The following MALRD1 variants were observed in gnomAD, a reference collection of about 807,000 sequenced individuals.
MALRD1 encodes the protein MAM and LDL receptor class A domain containing 1.
MALRD1 carries 247 observed loss-of-function variants against 242.1 expected under a neutral mutation model. That is an observed-to-expected ratio of 1.02 (90% CI 0.92 to 1.13). The LOEUF (loss-of-function observed/expected upper bound fraction) is 1.13. Ranked by LOEUF, MALRD1 falls within the 50% of genes most tolerant of loss-of-function variation. The probability of loss-of-function intolerance (pLI) is 0.00; values close to 1 mark genes in which losing one functional copy is unlikely to be tolerated. For missense variants in MALRD1, 2,989 were observed against 2,533.1 expected, an observed-to-expected ratio of 1.18 and a Z score of -3.86; for synonymous variants, 995 against 866.6, an observed-to-expected ratio of 1.15 and a Z score of -2.60.
chr10:19,498,502 A>G lies in MALRD1; in HGVS notation c.5176A>G (p.Thr1726Ala). 6.5e-7 allele frequency: 1 copy of G among 1,550,278 alleles called. No homozygotes were observed. The highest frequency in any genetic ancestry group is 1.2e-5 in the South Asian group (1 of 84,032). The change falls in exon 31 of 40, where the codon ACA becomes GCA. Residue 1726 changes from threonine (T) to alanine (A), a missense_variant. Physicochemically the swap from Thr to Ala is moderately conservative, Grantham distance 58 (BLOSUM62 0). Coordinates refer to ENST00000454679, the MANE Select transcript of MALRD1 (RefSeq NM_001142308.3). Reference sequence around the variant, plus strand: ...TTCCCCAGCACATTATACAAGCACAACAGGAAGCTGCAATTTTGAAACAAG... The same window carrying G: ...TTCCCCAGCACATTATACAAGCACAGCAGGAAGCTGCAATTTTGAAACAAG... ...EAHCAHYTST[T>A]GSCNFETSSG...
chr10:19,730,857 A>G, intron 39 of MALRD1, 76 bp downstream of exon 39: 1 of 1,277,834 alleles, frequency 7.8e-7, no homozygotes, highest in Non-Finnish European at 1.1e-6. Flanking sequence ...CACAGGCTGA[A>G]CCAGTGTTGC....
chr10:19,337,635 T>C (rs1297884532), intron 24 of MALRD1, among the ~76,000 whole-genome samples: 1 of 152,214 alleles, frequency 6.6e-6, no homozygotes, highest in Non-Finnish European at 1.5e-5. Flanking sequence ...TCTTTAGAAT[T>C]CTAAATCTTA....
chr10:19,677,970 ATTGG>A (rs1564534917), intron 36 of MALRD1, among the ~76,000 whole-genome samples: 1 of 151,966 alleles, frequency 6.6e-6, no homozygotes, highest in African/African-American at 2.4e-5. Flanking sequence ...TCAAAGATCA[ATTGG>A]TTGTAGATCT....
chr10:19,489,138 A>G (rs1377705311), intron 29 of MALRD1: 18 of 467,302 alleles, frequency 3.9e-5, no homozygotes, highest in Non-Finnish European at 7.9e-5. Flanking sequence ...GGGCCGCCAC[A>G]GGAAAAGCCT....
At chr10:19,323,813 G>A (rs1843000962) in intron 21 of MALRD1, 136 bp from the exon 22 acceptor site, 4 of 688,718 alleles carry the variant, frequency 5.8e-6, no homozygotes, top group Non-Finnish European at 9.6e-6. Context: ...GTTTCATCAT[G>A]GTAGCCAGGC....
At chr10:19,452,383 A>G (rs1564354538) in intron 29 of MALRD1, among the ~76,000 whole-genome samples, 1 of 152,208 alleles carries the variant, frequency 6.6e-6, no homozygotes, top group Non-Finnish European at 1.5e-5. Context: ...TGGCTTACTA[A>G]GTTATACTTT....
chr10:19,511,009 C>G (rs1421912021), intron 31 of MALRD1, among the ~76,000 whole-genome samples: 1 of 152,112 alleles, frequency 6.6e-6, no homozygotes, highest in African/African-American at 2.4e-5. Flanking sequence ...ACAACCTTAT[C>G]AAGAGAATTT....
chr10:19,347,490 G>A (rs938775921), intron 24 of MALRD1, among the ~76,000 whole-genome samples: 6 of 152,076 alleles, frequency 3.9e-5, no homozygotes, highest in African/African-American at 1.4e-4. Flanking sequence ...AAATTATATT[G>A]ACCAAATAGG....
intron 19 of MALRD1, among the ~76,000 whole-genome samples, chr10:19,273,558 AAATG>A (rs1840358438): frequency 6.6e-6 from 1 of 152,220 alleles, no homozygotes; most frequent in African/African-American, 2.4e-5. Flanking sequence ...AATGCTAAAT[AAATG>A]AGCTGTCAAG....
Position 19,676,777 on chromosome 10 carries a change from C to A in MALRD1, c.6138-15505C>A, listed in dbSNP as rs7904124. Among the ~76,000 whole-genome samples the A allele has an allele frequency of 6.6e-5, 10 of 152,218 alleles. No individual in the cohort carries two copies. In the South Asian group the frequency reaches 2.1e-3, roughly 32 times the overall value. On this transcript the variant is annotated intron_variant, in intron 36 of 39. Transcript: ENST00000454679. ...GCTGCACCTATCAACCCATCACCTG[C>A]GTATTAAGCCTGGCATGCGTTAGCT...
chr10:19,387,556 T>G lies in MALRD1; in HGVS notation c.4470T>G (p.Cys1490Trp). 1 of 1,550,424 alleles carries G rather than the reference T, an allele frequency of 6.4e-7. No individual in the cohort carries two copies. The highest frequency in any genetic ancestry group is 8.7e-7 in the Non-Finnish European group (1 of 1,146,864). The stretch of plus-strand genomic sequence containing the variant: ...TCTGCCCACTTGGCTATAGGGAATG[T>G]CATAATGGAAAATGCTATAGGCTGG... The part of the protein sequence containing the change: ...TGFCPLGYRE[C>W]HNGKCYRLEQ... The change falls in exon 27 of 40, where the codon TGT becomes TGG. Residue 1490 changes from cysteine (C) to tryptophan (W), a missense_variant. Coordinates refer to ENST00000454679, the MANE Select transcript of MALRD1 (RefSeq NM_001142308.3).
chr10:19,513,904 A>G (rs1833517965), intron 31 of MALRD1, among the ~76,000 whole-genome samples: 1 of 152,190 alleles, frequency 6.6e-6, no homozygotes. Flanking sequence ...TCTACTAGAT[A>G]TTGGGTTAGC....
chr10:19,406,741 C>T (rs995130370), intron 28 of MALRD1, among the ~76,000 whole-genome samples: 2 of 152,054 alleles, frequency 1.3e-5, no homozygotes, highest in African/African-American at 4.8e-5. Flanking sequence ...AACATTCTGC[C>T]GTTCTCACAC....
In MALRD1 at chr10:19,143,820, A is replaced by G. The variant is rs541979858; in HGVS notation, c.1412-2378A>G. Among the ~76,000 whole-genome samples the G allele has an allele frequency of 1.1e-4, 17 of 152,312 alleles. No homozygotes were observed. The South Asian group carries it at 3.1e-3, about 28-fold the overall frequency. On this transcript the variant is annotated intron_variant, in intron 10 of 39. Transcript: ENST00000454679. ...ACTGACAGAACATTTTGGAGGTGGC[A>G]TAGAAGGTGGCAGAGCTCACAGAGA...
intron 14 of MALRD1, among the ~76,000 whole-genome samples, chr10:19,198,653 C>A: frequency 6.6e-6 from 1 of 152,132 alleles, no homozygotes; most frequent in Admixed American, 6.5e-5. Context: ...GAGGAATTGT[C>A]TACCAATAAT....
intron 17 of MALRD1, among the ~76,000 whole-genome samples, chr10:19,205,713 G>A (rs1205751702): frequency 6.6e-6 from 1 of 151,974 alleles, no homozygotes; most frequent in African/African-American, 2.4e-5. Flanking sequence ...TGGCTGCAAG[G>A]CAGATGGAAA....
At chr10:19,401,796 G>A (rs947454312) in intron 28 of MALRD1, among the ~76,000 whole-genome samples, 83 of 149,034 alleles carry the variant, frequency 5.6e-4, no homozygotes, top group African/African-American at 1.9e-3. Context: ...CTAGTGATAC[G>A]ACTTTAAGAT....
At chr10:19,186,482 G>A (rs956206026) in intron 14 of MALRD1, among the ~76,000 whole-genome samples, 1 of 152,178 alleles carries the variant, frequency 6.6e-6, no homozygotes, top group Non-Finnish European at 1.5e-5. Flanking sequence ...AGTCTTTGCT[G>A]CAGATAATCA....
At chr10:19,429,934 C>T (rs1230363759) in intron 28 of MALRD1, among the ~76,000 whole-genome samples, 1 of 151,996 alleles carries the variant, frequency 6.6e-6, no homozygotes, top group Non-Finnish European at 1.5e-5. Flanking sequence ...TTGTCATAGA[C>T]GCTTTCAGAA....
Sources: allele counts gnomAD v4.1 joint callset (sites outside exome capture counted in the v4.1 genomes callset), GRCh38; gene constraint gnomAD v4.1.1; transcripts MANE v1.5; gene names NCBI Gene and HGNC (gene_info 2026-07-23, HGNC 2026-07-21).